Variants in UBP1 observed in about 807,000 individuals in gnomAD.
UBP1 encodes upstream binding protein 1.
UBP1 carries 22 observed loss-of-function variants against 76.1 expected under a neutral mutation model. The ratio of observed to expected loss-of-function variants is 0.29; its 90% CI spans 0.21 to 0.41. UBP1 has a LOEUF of 0.41. Ranked by LOEUF, UBP1 falls within the 10% of genes least tolerant of loss-of-function variation. The pLI, the probability that UBP1 is intolerant of heterozygous loss-of-function variation, is 1.00. For synonymous variants in UBP1, 224 were observed against 237.1 expected, an observed-to-expected ratio of 0.94 and a Z score of 0.51; for missense variants, 436 against 668.1, an observed-to-expected ratio of 0.65 and a Z score of 3.83.
intron 1 of UBP1, among the ~76,000 whole-genome samples, chr3:33,426,042 A>C (rs1239907295): frequency 3.5e-5 from 3 of 85,036 alleles, no homozygotes; most frequent in Non-Finnish European, 7.0e-5. Context: ...TATATATAGC[A>C]CTTTAAAAAC....
intron 9 of UBP1, among the ~76,000 whole-genome samples, chr3:33,401,233 C>T (rs2044218040): frequency 6.6e-6 from 1 of 151,982 alleles, no homozygotes; most frequent in Admixed American, 6.6e-5. Flanking sequence ...TTAATTTGTG[C>T]CTTCTTCATC....
At chr3:33,396,896 A>C (rs1192331638) in intron 12 of UBP1, 149 bp downstream of exon 12, 1 of 759,476 alleles carries the variant, frequency 1.3e-6, no homozygotes, top group Non-Finnish European at 2.3e-6. Flanking sequence ...TGTACACAAA[A>C]CAGTCTTCTT....
At position 33,396,149 on chromosome 3, in the gene UBP1, C is replaced by A; in HGVS notation, c.1390+13G>T. 6.4e-7 allele frequency: 1 copy of A among 1,552,632 alleles called. No homozygotes were observed. The highest frequency in any genetic ancestry group is 8.8e-7 in the Non-Finnish European group (1 of 1,132,946). On this transcript the variant is annotated intron_variant, in intron 13 of 15. Transcript: ENST00000283629. ...CTCAGAAGTGACAGAATTGAGATGC[C>A]CTCAATACCTACCATAGGGTGCCCC...
intron 10 of UBP1, among the ~76,000 whole-genome samples, 193 bp from the exon 11 acceptor site, chr3:33,400,475 T>TA (rs35268943): frequency 6.6e-6 from 1 of 151,960 alleles, no homozygotes; most frequent in Non-Finnish European, 1.5e-5. Context: ...TATTCAGCCA[T>TA]AAAAAAAGAG....
chr3:33,413,157 C>A lies in UBP1; in HGVS notation c.343-330G>T, dbSNP rs2044634774. Among the ~76,000 whole-genome samples, 3 of 152,048 alleles carry A rather than the reference C, an allele frequency of 2.0e-5. 1 individual carries two copies. The South Asian group carries it at 6.2e-4, about 31-fold the overall frequency. The stretch of plus-strand genomic sequence containing the variant: ...GAATTACATTCCTATAAAGAAAATA[C>A]CAGATGCACACAGGAGTTATTAAAA... On this transcript the variant is annotated intron_variant, in intron 3 of 15. Transcript: ENST00000283629.
At chr3:33,425,372 T>A (rs1488808534) in intron 2 of UBP1, among the ~76,000 whole-genome samples, 1 of 152,202 alleles carries the variant, frequency 6.6e-6, no homozygotes, top group Non-Finnish European at 1.5e-5. Flanking sequence ...AATCCTGTAA[T>A]AAATCTTCCT....
chr3:33,411,117 C>T (rs566462161), intron 5 of UBP1, among the ~76,000 whole-genome samples: 4 of 149,172 alleles, frequency 2.7e-5, no homozygotes, highest in East Asian at 3.9e-4. Flanking sequence ...TAAAAGGGGG[C>T]GGAAACTACT....
chr3:33,412,618 CAA>C, intron 4 of UBP1, 102 bp downstream of exon 4: 1 of 778,968 alleles, frequency 1.3e-6, no homozygotes, highest in Non-Finnish European at 2.1e-6. Flanking sequence ...CCACAAACAC[CAA>C]AACTTTCCCC....
chr3:33,419,625 T>C (rs1307460891), intron 2 of UBP1, among the ~76,000 whole-genome samples: 1 of 122,908 alleles, frequency 8.1e-6, no homozygotes, highest in Non-Finnish European at 1.6e-5. Flanking sequence ...GGAGACTCCA[T>C]CTCAAAAAAA....
At chr3:33,434,384 C>T (rs529435805) in intron 1 of UBP1, among the ~76,000 whole-genome samples, 4 of 150,382 alleles carry the variant, frequency 2.7e-5, no homozygotes, top group African/African-American at 7.3e-5. Flanking sequence ...CTGTAACCTC[C>T]GCCTCCCGGG....
chr3:33,436,738 A>C (rs2045210509), intron 1 of UBP1, among the ~76,000 whole-genome samples: 1 of 152,176 alleles, frequency 6.6e-6, no homozygotes, highest in Non-Finnish European at 1.5e-5. Flanking sequence ...TTATTTTTTA[A>C]AGTCATTTGG....
At chr3:33,398,029 A>G (rs992518892) in intron 11 of UBP1, 2 of 152,218 alleles carry the variant, frequency 1.3e-5, no homozygotes, top group Non-Finnish European at 2.9e-5. Flanking sequence ...AGTGGAGAGC[A>G]AGACTGACCA....
Position 33,434,289 on chromosome 3 carries a change from C to CTTT in UBP1, c.113+5444_113+5446dup, listed in dbSNP as rs371209882. On this transcript the variant is annotated intron_variant, in intron 1 of 15. Transcript: ENST00000283629. ...GTAAGGTTTCAGTAGTCAGCAAATCCTTTTTTTTTTTTTTTTTTTTTTTTT... is the reference window on the plus strand; with the variant it reads ...GTAAGGTTTCAGTAGTCAGCAAATCCTTTTTTTTTTTTTTTTTTTTTTTTTTTT... Among the ~76,000 whole-genome samples the CTTT allele has an allele frequency of 1.1e-3, 108 of 101,274 alleles. 4 individuals carry two copies. The East Asian group carries it at 0.025, about 23-fold the overall frequency. 66.4% of individuals were successfully genotyped at this position (101,274 alleles called of 152,430 possible).
At chr3:33,395,849 CAAAA>C (rs1185296193) in intron 13 of UBP1, among the ~76,000 whole-genome samples, 2 of 105,878 alleles carry the variant, frequency 1.9e-5, no homozygotes, top group Admixed American at 9.8e-5. Context: ...TAAATCTGAC[CAAAA>C]AAAAAAAAAA....
chr3:33,412,849 T>C, intron 3 of UBP1, 22 bp from the exon 4 acceptor site: 1 of 1,544,132 alleles, frequency 6.5e-7, no homozygotes. Flanking sequence ...GTGCGGAAAA[T>C]GAGTACTTTT....
chr3:33,392,516 ATC>A, intron 15 of UBP1, 45 bp downstream of exon 15: 9 of 1,539,250 alleles, frequency 5.8e-6, no homozygotes, highest in Non-Finnish European at 8.0e-6. Flanking sequence ...GGCACACACC[ATC>A]TCTCATGATT....
chr3:33,394,168 C>T (rs986044954), intron 13 of UBP1, among the ~76,000 whole-genome samples: 2 of 149,906 alleles, frequency 1.3e-5, no homozygotes, highest in Non-Finnish European at 3.0e-5. Context: ...GGTGGGGGCA[C>T]ACGCCACCAT....
intron 2 of UBP1, among the ~76,000 whole-genome samples, chr3:33,420,446 C>A (rs756302150): frequency 1.3e-5 from 2 of 151,606 alleles, no homozygotes; most frequent in African/African-American, 4.9e-5. Flanking sequence ...ATGCCTCAGC[C>A]TCCCAAGTAG....
At chr3:33,417,922 C>G (rs1575480254) in intron 2 of UBP1, among the ~76,000 whole-genome samples, 5 of 152,264 alleles carry the variant, frequency 3.3e-5, no homozygotes, top group Admixed American at 3.3e-4. Flanking sequence ...CACTCCAAGG[C>G]TGGTGAAGGA....
Sources: gnomAD v4.1 joint callset for allele counts (sites outside exome capture counted in the v4.1 genomes callset) on GRCh38, gnomAD v4.1.1 for gene constraint, MANE v1.5 for transcripts, NCBI Gene and HGNC (gene_info 2026-07-23, HGNC 2026-07-21) for gene names.